The following NUFIP2 variants were observed in gnomAD, a reference collection of about 807,000 sequenced individuals.
NUFIP2 encodes the protein FMR1-interacting protein NUFIP2.
In NUFIP2, 6 loss-of-function variants were observed where a neutral mutation model predicts 56.9. That is an observed-to-expected ratio of 0.11 (90% CI 0.06 to 0.21). The LOEUF is 0.21. Among genes scored for constraint, NUFIP2 ranks in the 10% least tolerant of loss-of-function variants. The probability of loss-of-function intolerance (pLI) is 1.00; values close to 1 mark genes in which losing one functional copy is unlikely to be tolerated. For missense variants in NUFIP2, 828 were observed against 826.8 expected (o/e 1.00, Z -0.02); for synonymous variants, 321 against 298.2 (o/e 1.08, Z -0.79).
chr17:29,290,663 AAAAAG>A (rs1015088057), intron 1 of NUFIP2, among the ~76,000 whole-genome samples: 31 of 144,562 alleles, frequency 2.1e-4, no homozygotes, highest in African/African-American at 5.3e-4. Context: ...CAAAAAAAAA[AAAAAG>A]AAAGAAAGAA....
chr17:29,280,465 G>A (rs1417450412), intron 2 of NUFIP2, among the ~76,000 whole-genome samples: 1 of 152,172 alleles, frequency 6.6e-6, no homozygotes, highest in East Asian at 1.9e-4. Context: ...GGTGGCTCAT[G>A]CCTGTAATCC....
intron 2 of NUFIP2, among the ~76,000 whole-genome samples, chr17:29,273,186 C>T (rs1163220737): frequency 6.6e-6 from 1 of 152,068 alleles, no homozygotes. Context: ...ACTACAGGTG[C>T]ACGTCACCAT....
At chr17:29,270,324 GAAA>G (rs386385865) in intron 2 of NUFIP2, among the ~76,000 whole-genome samples, 2 of 81,374 alleles carry the variant, frequency 2.5e-5, no homozygotes, top group Admixed American at 1.4e-4. Flanking sequence ...CTAACCTGGA[GAAA>G]AAAAAAAAAA....
Position 29,257,725 on chromosome 17 carries a change from A to T in NUFIP2, c.*6814T>A, listed in dbSNP as rs1037971562. The T allele has an allele frequency of 1.3e-5, 2 of 152,344 alleles. No homozygotes were observed. The highest frequency in any genetic ancestry group is 4.1e-4 in the South Asian group (2 of 4,832). 9.4% of individuals were successfully genotyped at this position (152,344 alleles called of 1,614,324 possible). A position where few individuals can be genotyped will look rare whatever the true frequency, so the allele number is the denominator to read the frequency against. On this transcript the variant is annotated 3_prime_UTR_variant, in exon 4 of 4. Coordinates refer to ENST00000225388, the MANE Select transcript of NUFIP2 (RefSeq NM_020772.3). ...CTATATTTTGCAAACAATGCTTTGT[A>T]TAACACTTCTTTAAAACACTAAAAG...
At position 29,260,381 on chromosome 17, in the gene NUFIP2, G is replaced by A. The variant is rs901465563; in HGVS notation, c.*4158C>T. 1.3e-5 allele frequency: 2 copies of A among 152,104 alleles called. No homozygotes were observed. Among genetic ancestry groups the A allele is most frequent in the African/African-American group, 4.8e-5 (2 of 41,400 alleles). 9.4% of individuals were successfully genotyped at this position (152,104 alleles called of 1,614,324 possible). A position where few individuals can be genotyped will look rare whatever the true frequency, so the allele number is the denominator to read the frequency against. On this transcript the variant is annotated 3_prime_UTR_variant, in exon 4 of 4. Coordinates refer to ENST00000225388, the MANE Select transcript of NUFIP2 (RefSeq NM_020772.3). ...CACAGTTAACATATTTATACAAGAG[G>A]GATCAGCTGTTGTTGAGGATGTGGC...
chr17:29,280,640 C>G (rs2069134141), intron 2 of NUFIP2, among the ~76,000 whole-genome samples: 2 of 151,578 alleles, frequency 1.3e-5, no homozygotes, highest in South Asian at 4.2e-4. Context: ...GAGCTAGGAT[C>G]ATACCACTGC....
intron 2 of NUFIP2, among the ~76,000 whole-genome samples, chr17:29,276,870 C>A (rs1424941355): frequency 6.6e-6 from 1 of 152,082 alleles, no homozygotes; most frequent in South Asian, 2.1e-4. Flanking sequence ...CTTCTTCTGA[C>A]CTACAAAAAC....
intron 2 of NUFIP2, among the ~76,000 whole-genome samples, chr17:29,272,170 T>G (rs1237178516): frequency 8.6e-5 from 13 of 150,880 alleles, no homozygotes; most frequent in Non-Finnish European, 5.9e-5. Flanking sequence ...AGGAAAGGGC[T>G]GACATTACCT....
rs1411186866 is a variant in NUFIP2, at chr17:29,286,888, G to C, written c.1106C>G (p.Thr369Ser). The change falls in exon 2 of 4, where the codon ACT becomes AGT. Residue 369 changes from threonine to serine, a missense_variant. Transcript: ENST00000225388. ...TGGTGACACAGAAGAGTTCTGTATA[G>C]TTTTGTTGAGGTTTTCCTTAACTTT... ...ASKVKENLNK[T>S]IQNSSVSPTS... 6.2e-7 allele frequency: 1 copy of C among 1,614,182 alleles called. No individual in the cohort carries two copies.
rs1267823450 is a variant in NUFIP2 at position 29,256,462 on chromosome 17, A to T, written c.*8077T>A. On this transcript the variant is annotated 3_prime_UTR_variant, in exon 4 of 4. Coordinates refer to ENST00000225388, the MANE Select transcript of NUFIP2 (RefSeq NM_020772.3). Reference sequence around the variant, plus strand: ...GATAACTTAGTTTTTAACTGCCACTATCAATGAAGATACATATAGAAGGGT... The same window carrying T: ...GATAACTTAGTTTTTAACTGCCACTTTCAATGAAGATACATATAGAAGGGT... The T allele has an allele frequency of 2.6e-5, 4 of 152,216 alleles. No individual in the cohort carries two copies. The highest frequency in any genetic ancestry group is 4.4e-5 in the Non-Finnish European group (3 of 68,030). The allele number at this position is 152,216 out of a possible 1,614,324, so 9.4% of individuals were successfully genotyped here.
chr17:29,290,943 TACTAGTA>T (rs2069208260), intron 1 of NUFIP2, among the ~76,000 whole-genome samples: 1 of 149,972 alleles, frequency 6.7e-6, no homozygotes, highest in African/African-American at 2.5e-5. Flanking sequence ...TTCCTAAGAT[TACTAGTA>T]TGTAGCGACT....
chr17:29,292,407 A>ATT lies in NUFIP2; in HGVS notation c.277+1374_277+1375dup, dbSNP rs35830192. Among the ~76,000 whole-genome samples the ATT allele has an allele frequency of 4.1e-4, 57 of 140,404 alleles. 1 individual carries two copies. The highest frequency in any genetic ancestry group is 1.8e-3 in the South Asian group (8 of 4,418). The allele number at this position is 140,404 out of a possible 152,430, so 92.1% of individuals were successfully genotyped here. A position where few individuals can be genotyped will look rare whatever the true frequency, so the allele number is the denominator to read the frequency against. ...GAGGGGAATGGAACAAGGTTTTTGG[A>ATT]TTTTTTTTTTTTTTTTGTAGAAAAT... On this transcript the variant is annotated intron_variant, in intron 1 of 3. Coordinates refer to ENST00000225388, the MANE Select transcript of NUFIP2 (RefSeq NM_020772.3).
intron 2 of NUFIP2, among the ~76,000 whole-genome samples, chr17:29,274,836 A>G (rs1266328480): frequency 1.3e-5 from 2 of 152,168 alleles, no homozygotes; most frequent in African/African-American, 4.8e-5. Flanking sequence ...TGAAGACAGT[A>G]TGCGAGATAG....
chr17:29,281,689 T>TAAAA (rs58675184), intron 2 of NUFIP2, among the ~76,000 whole-genome samples: 3 of 110,494 alleles, frequency 2.7e-5, no homozygotes, highest in African/African-American at 1.0e-4. Context: ...CCTGTCTCTT[T>TAAAA]AAAAAAAAAA....
Position 29,286,978 on chromosome 17 carries a change from G to A in NUFIP2, c.1016C>T (p.Pro339Leu). ...ATTGTCCACTGGAAAAACTGGGGGT[G>A]GTTTAAATAGGGTCCACGAGTCCTC... ...SKEDSWTLFKPPPVFPVDNSS... is the reference protein window; with the variant it reads ...SKEDSWTLFKLPPVFPVDNSS... Residue 339 changes from proline (P) to leucine (L), a missense_variant, in exon 2 of 4, where the codon CCA (proline) becomes CTA (leucine). Physicochemically the swap from Pro to Leu is moderately conservative, Grantham distance 98. Around this residue, in one of 3 missense-constraint regions of NUFIP2, gnomAD observed 9 missense variants for 37.8 expected, o/e 0.24. Coordinates refer to ENST00000225388, the MANE Select transcript of NUFIP2 (RefSeq NM_020772.3). 6.2e-7 allele frequency: 1 copy of A among 1,614,154 alleles called. No homozygotes were observed. Among genetic ancestry groups the A allele is most frequent in the Non-Finnish European group, 8.5e-7 (1 of 1,180,032 alleles).
chr17:29,288,701 G>A (rs1057427050), intron 1 of NUFIP2, among the ~76,000 whole-genome samples: 4 of 152,176 alleles, frequency 2.6e-5, no homozygotes, highest in Non-Finnish European at 5.9e-5. Flanking sequence ...AAGTCAAAGT[G>A]ACAGAACTGG....
chr17:29,260,506 G>A lies in NUFIP2; in HGVS notation c.*4033C>T, dbSNP rs921023753. 11 of 152,088 alleles carry A rather than the reference G, an allele frequency of 7.2e-5. No individual in the cohort carries two copies. Among genetic ancestry groups the A allele is most frequent in the African/African-American group, 2.4e-4 (10 of 41,392 alleles). 9.4% of individuals were successfully genotyped at this position (152,088 alleles called of 1,614,324 possible). ...AATGACTCCGTCCTTATTTACAGTG[G>A]AATTAAAATTGAGTAAAGTCCATTT... On this transcript the variant is annotated 3_prime_UTR_variant, in exon 4 of 4. Coordinates refer to ENST00000225388, the MANE Select transcript of NUFIP2 (RefSeq NM_020772.3).
At chr17:29,289,615 T>C (rs969717285) in intron 1 of NUFIP2, among the ~76,000 whole-genome samples, 1 of 151,860 alleles carries the variant, frequency 6.6e-6, no homozygotes, top group Non-Finnish European at 1.5e-5. Flanking sequence ...AAAAGAAAGA[T>C]ACACAATAGA....
intron 1 of NUFIP2, among the ~76,000 whole-genome samples, chr17:29,293,034 G>A (rs2069227825): frequency 6.6e-6 from 1 of 151,638 alleles, no homozygotes; most frequent in Admixed American, 6.5e-5. Context: ...GGCCGGAGTC[G>A]GTGACAGGAA....
Sources: gnomAD v4.1 joint callset for allele counts (sites outside exome capture counted in the v4.1 genomes callset) on GRCh38, gnomAD v4.1.1 for gene constraint, gnomAD v4.1.1 regional missense constraint, MANE v1.5 for transcripts, NCBI Gene and HGNC (gene_info 2026-07-23, HGNC 2026-07-21) for gene names.